ZRANB1: variants seen among roughly 807,000 people sequenced by gnomAD.
ZRANB1 encodes ubiquitin thioesterase ZRANB1.
A neutral mutation model predicts 80.5 loss-of-function variants in ZRANB1; 16 were observed. The ratio of observed to expected loss-of-function variants is 0.20; its 90% CI spans 0.13 to 0.30. The LOEUF (loss-of-function observed/expected upper bound fraction) is 0.30, where lower values mean the gene tolerates loss of function less well. ZRANB1 is among the 10% of genes least tolerant of loss of function. The pLI, the probability that ZRANB1 is intolerant of heterozygous loss-of-function variation, is 1.00. For missense variants in ZRANB1, 576 were observed against 862.6 expected (o/e 0.67, Z 4.16); for synonymous variants, 291 against 293.1 (o/e 0.99, Z 0.07).
At chr10:124,973,796 G>A in intron 4 of ZRANB1, 80 bp downstream of exon 4, 1 of 1,257,074 alleles carries the variant, frequency 8.0e-7, no homozygotes, top group South Asian at 1.3e-5. Flanking sequence ...GTGTAGTTTG[G>A]TGTGTAGTCA....
chr10:124,920,202 G>A, the ZRANB1 span, among the ~76,000 whole-genome samples: 2 of 152,184 alleles, frequency 1.3e-5, no homozygotes, highest in Non-Finnish European at 2.9e-5. Context: ...TGGGATTACA[G>A]GCGTGAGCCA....
At chr10:124,967,257 A>G (rs1178678156) in intron 2 of ZRANB1, among the ~76,000 whole-genome samples, 1 of 152,212 alleles carries the variant, frequency 6.6e-6, no homozygotes, top group African/African-American at 2.4e-5. Flanking sequence ...TCTTTCTTAT[A>G]GCAGGTAATG....
intron 5 of ZRANB1, among the ~76,000 whole-genome samples, chr10:124,979,876 T>C (rs1167693610): frequency 1.3e-5 from 2 of 152,262 alleles, no homozygotes; most frequent in Admixed American, 1.3e-4. Context: ...TATTGATTTA[T>C]TTTTCCACTG....
chr10:124,952,695 C>G (rs1951650387), intron 1 of ZRANB1, among the ~76,000 whole-genome samples: 1 of 152,022 alleles, frequency 6.6e-6, no homozygotes, highest in Non-Finnish European at 1.5e-5. Context: ...ACTGCATCCT[C>G]TGCCTCCTGA....
chr10:124,975,993 A>C (rs889186729), intron 5 of ZRANB1, among the ~76,000 whole-genome samples: 1 of 152,184 alleles, frequency 6.6e-6, no homozygotes, highest in East Asian at 1.9e-4. Context: ...TGACAGAGTG[A>C]GACTGTCTTG....
chr10:124,968,038 G>A (rs1009097071), intron 2 of ZRANB1, among the ~76,000 whole-genome samples: 2 of 151,824 alleles, frequency 1.3e-5, no homozygotes, highest in South Asian at 4.1e-4. Flanking sequence ...AACTGGGATT[G>A]TAGGCACATG....
chr10:124,958,920 T>C (rs1951707963), intron 1 of ZRANB1, among the ~76,000 whole-genome samples: 1 of 152,204 alleles, frequency 6.6e-6, no homozygotes, highest in Admixed American at 6.5e-5. Flanking sequence ...AAATCATTTT[T>C]GGCCTCGGCC....
chr10:124,931,623 AGCCTCCCAAAATGCTGG>A, the ZRANB1 span, among the ~76,000 whole-genome samples: 1 of 152,058 alleles, frequency 6.6e-6, no homozygotes, highest in East Asian at 1.9e-4. Flanking sequence ...TGCCCACCTC[AGCCTCCCAAAATGCTGG>A]GATTACAGGC....
chr10:124,966,931 A>G (rs749617695), intron 2 of ZRANB1, 150 bp downstream of exon 2: 57 of 719,944 alleles, frequency 7.9e-5, no homozygotes, highest in Non-Finnish European at 1.2e-4. Context: ...AACTTAAGAG[A>G]CTTAATTTTT....
upstream of ZRANB1, among the ~76,000 whole-genome samples, chr10:124,937,533 T>C (rs986609723): frequency 6.6e-6 from 1 of 152,020 alleles, no homozygotes; most frequent in African/African-American, 2.4e-5. Flanking sequence ...TAGTAGGTGG[T>C]TGGGGAAATT....
intron 5 of ZRANB1, among the ~76,000 whole-genome samples, chr10:124,977,991 C>T (rs932561140): frequency 2.0e-5 from 3 of 152,002 alleles, no homozygotes; most frequent in Admixed American, 6.6e-5. Context: ...GAGCTTTGCC[C>T]GATGGTTTAC....
intron 5 of ZRANB1, among the ~76,000 whole-genome samples, chr10:124,979,780 T>G (rs577961945): frequency 3.9e-5 from 6 of 152,370 alleles, no homozygotes; most frequent in African/African-American, 1.4e-4. Context: ...AAAAAACCCT[T>G]TCTACATTCT....
chr10:124,934,654 A>G, the ZRANB1 span, among the ~76,000 whole-genome samples: 1 of 152,194 alleles, frequency 6.6e-6, no homozygotes, highest in African/African-American at 2.4e-5. Flanking sequence ...TGAGTTTTGG[A>G]CATGTTAAGT....
the ZRANB1 span, chr10:124,917,335 C>A: frequency 6.6e-6 from 1 of 150,786 alleles, no homozygotes; most frequent in South Asian, 1.8e-4. Flanking sequence ...CAGGCGGCGC[C>A]CAGGTTGCCG....
chr10:124,955,480 T>C (rs1951681503), intron 1 of ZRANB1, among the ~76,000 whole-genome samples: 1 of 152,120 alleles, frequency 6.6e-6, no homozygotes, highest in African/African-American at 2.4e-5. Context: ...AAAAGGAAAG[T>C]GAGTGCTAGA....
At position 124,972,041 on chromosome 10, in the gene ZRANB1, C is replaced by T; in HGVS notation, c.1079C>T (p.Ala360Val). 1 of 1,613,988 alleles carries T rather than the reference C, an allele frequency of 6.2e-7. No homozygotes were observed. The highest frequency in any genetic ancestry group is 8.5e-7 in the Non-Finnish European group (1 of 1,179,906). Residue 360 changes from alanine to valine, a missense_variant, in exon 3 of 9, where the codon GCT becomes GTT. This residue lies in a region of ZRANB1 where 411 missense variants were observed against 583.1 expected (regional missense o/e 0.70). Coordinates refer to ENST00000359653, the MANE Select transcript of ZRANB1 (RefSeq NM_017580.3). ...ACAGAACAAATCCGGAGAGAGATAG[C>T]TGCCTCTCTTCATCAGAGAAAGGGG... ...ELTEQIRREIAASLHQRKGDF... is the reference protein window; with the variant it reads ...ELTEQIRREIVASLHQRKGDF...
At chr10:124,941,990 T>C (rs543275187), upstream of ZRANB1, 5 of 264,242 alleles carry the variant, frequency 1.9e-5, no homozygotes, top group African/African-American at 1.1e-4. Flanking sequence ...AGACGTTGCT[T>C]GATCTTCTGA....
At chr10:124,941,582 C>T (rs1951536812), upstream of ZRANB1, among the ~76,000 whole-genome samples, 2 of 152,058 alleles carry the variant, frequency 1.3e-5, no homozygotes, top group African/African-American at 4.8e-5. Context: ...GAACTCCTGA[C>T]CTTGTGATCT....
the ZRANB1 span, among the ~76,000 whole-genome samples, chr10:124,926,371 CATTGTGTAGCTGCACA>C: frequency 6.6e-6 from 1 of 152,200 alleles, no homozygotes; most frequent in Non-Finnish European, 1.5e-5. Flanking sequence ...AACACAAACA[CATTGTGTAGCTGCACA>C]AAAATATTTT....
Sources: gnomAD v4.1 joint callset for allele counts (sites outside exome capture counted in the v4.1 genomes callset) on GRCh38, gnomAD v4.1.1 for gene constraint, gnomAD v4.1.1 regional missense constraint, MANE v1.5 for transcripts, NCBI Gene and HGNC (gene_info 2026-07-23, HGNC 2026-07-21) for gene names.